CAMKMT: variants seen among roughly 807,000 people sequenced by gnomAD.
CAMKMT encodes the protein calmodulin-lysine N-methyltransferase.
Under a neutral mutation model 48.0 loss-of-function variants are expected in CAMKMT, and 53 were observed. The ratio of observed to expected loss-of-function variants is 1.10; its 90% CI spans 0.89 to 1.39. CAMKMT has a LOEUF of 1.39. Among genes scored for constraint, CAMKMT ranks in the 40% most tolerant of loss-of-function variants. The pLI is 0.00. For missense variants in CAMKMT, 428 were observed against 402.7 expected (o/e 1.06, Z -0.54); for synonymous variants, 165 against 152.3 (o/e 1.08, Z -0.61).
intron 3 of CAMKMT, among the ~76,000 whole-genome samples, chr2:44,424,403 G>T (rs1202821124): frequency 7.2e-5 from 11 of 152,030 alleles, no homozygotes; most frequent in African/African-American, 2.2e-4. Context: ...TGAAAGGGCC[G>T]TGATACATTG....
intron 3 of CAMKMT, among the ~76,000 whole-genome samples, chr2:44,476,589 TA>T (rs760828021): frequency 1.5e-4 from 23 of 151,154 alleles, no homozygotes; most frequent in African/African-American, 4.6e-4. Context: ...TTACACTGTG[TA>T]AAAAAAAACT....
At chr2:44,500,200 G>C (rs1430025740) in intron 3 of CAMKMT, among the ~76,000 whole-genome samples, 1 of 152,092 alleles carries the variant, frequency 6.6e-6, no homozygotes, top group African/African-American at 2.4e-5. Flanking sequence ...GTTCTCACTA[G>C]GGTTTTAGAG....
At chr2:44,673,471 GAGGA>G (rs201284067) in intron 3 of CAMKMT, among the ~76,000 whole-genome samples, 15,960 of 116,724 alleles carry the variant, frequency 0.14, 1,222 homozygotes, top group South Asian at 0.25. Context: ...GAAAGAGAGA[GAGGA>G]AGGAAGGAAG....
intron 3 of CAMKMT, among the ~76,000 whole-genome samples, chr2:44,505,191 G>A (rs1187690770): frequency 6.6e-6 from 1 of 152,150 alleles, no homozygotes. Flanking sequence ...GAGATTTGGA[G>A]GGGTCAAACA....
chr2:44,731,343 A>AAAAC (rs762526261), intron 7 of CAMKMT, among the ~76,000 whole-genome samples: 2 of 152,200 alleles, frequency 1.3e-5, no homozygotes, highest in Non-Finnish European at 2.9e-5. Flanking sequence ...TCTGTCTCAG[A>AAAAC]AAACAAACAA....
intron 3 of CAMKMT, among the ~76,000 whole-genome samples, chr2:44,556,429 G>A (rs558462182): frequency 9.7e-5 from 14 of 145,014 alleles, no homozygotes; most frequent in African/African-American, 3.3e-4. Flanking sequence ...ATGAGCCACC[G>A]TGTCCAGCCA....
At chr2:44,415,269 A>T (rs1242505667) in intron 3 of CAMKMT, among the ~76,000 whole-genome samples, 1 of 152,266 alleles carries the variant, frequency 6.6e-6, no homozygotes, top group Admixed American at 6.5e-5. Context: ...TCAAGTAGGT[A>T]GCAGATATTT....
intron 7 of CAMKMT, among the ~76,000 whole-genome samples, chr2:44,734,728 G>A (rs1679267952): frequency 6.6e-6 from 1 of 152,072 alleles, no homozygotes; most frequent in African/African-American, 2.4e-5. Context: ...CATATTTTTT[G>A]TATGACTAGA....
chr2:44,377,619 G>A (rs952203883), intron 2 of CAMKMT, among the ~76,000 whole-genome samples: 4 of 152,014 alleles, frequency 2.6e-5, no homozygotes, highest in East Asian at 1.9e-4. Context: ...AAGTGTATAC[G>A]TGTCTTAGGT....
intron 7 of CAMKMT, among the ~76,000 whole-genome samples, chr2:44,725,168 G>GTGTGTA (rs1678712977): frequency 6.6e-6 from 1 of 151,742 alleles, no homozygotes; most frequent in African/African-American, 2.4e-5. Flanking sequence ...GTGTGTGTGT[G>GTGTGTA]TGTGTGTGTG....
rs567294350 is a variant in CAMKMT, at chr2:44,524,877, A to G, written c.376+134572A>G. On this transcript the variant is annotated intron_variant, in intron 3 of 10. Coordinates refer to ENST00000378494, the MANE Select transcript of CAMKMT (RefSeq NM_024766.5). Reference sequence around the variant, plus strand: ...ATCATTGAATGGCTTTTTTCTGCCTATCTTCTATGCAATAGATATTATGCC... The same window carrying G: ...ATCATTGAATGGCTTTTTTCTGCCTGTCTTCTATGCAATAGATATTATGCC... 9.9e-5 allele frequency among the ~76,000 whole-genome samples: 15 copies of G among 152,074 alleles called. No individual in the cohort carries two copies. In the East Asian group the frequency reaches 2.5e-3, roughly 25 times the overall value.
At chr2:44,409,175 A>G (rs1189604225) in intron 3 of CAMKMT, among the ~76,000 whole-genome samples, 3 of 14,088 alleles carry the variant, frequency 2.1e-4, no homozygotes, top group African/African-American at 5.9e-4. Flanking sequence ...ATATATATAT[A>G]TATATATGTA....
chr2:44,524,358 C>T (rs961008717), intron 3 of CAMKMT, among the ~76,000 whole-genome samples: 2 of 152,076 alleles, frequency 1.3e-5, no homozygotes, highest in African/African-American at 4.8e-5. Context: ...TTGCTTTTTT[C>T]CAGGACTAAC....
At chr2:44,400,991 T>C (rs986509860) in intron 3 of CAMKMT, 15 of 148,914 alleles carry the variant, frequency 1.0e-4, no homozygotes, top group African/African-American at 3.2e-4. Flanking sequence ...AGTTAACTTG[T>C]TCTTCATTTG....
chr2:44,631,421 AAAAG>A, intron 3 of CAMKMT: 1 of 553,004 alleles, frequency 1.8e-6, no homozygotes, highest in South Asian at 2.5e-5. Flanking sequence ...ATAATAATAA[AAAAG>A]AAAGGAAATA....
intron 3 of CAMKMT, among the ~76,000 whole-genome samples, chr2:44,579,344 G>A (rs985886695): frequency 2.6e-5 from 4 of 152,044 alleles, no homozygotes; most frequent in Admixed American, 2.6e-4. Context: ...TAATTCATGC[G>A]CTGGTGTAAT....
chr2:44,473,692 GTTTAATGTGGAATAAGTAAACTCCACA>G (rs1214552812), intron 3 of CAMKMT, among the ~76,000 whole-genome samples: 42 of 152,190 alleles, frequency 2.8e-4, no homozygotes, highest in Admixed American at 2.7e-3. Flanking sequence ...GGAAGTTACA[GTTTAATGTGGAATAAGTAAACTCCACA>G]TTTAATGTAG....
chr2:44,544,862 T>C (rs2103626596), intron 3 of CAMKMT, among the ~76,000 whole-genome samples: 1 of 152,350 alleles, frequency 6.6e-6, no homozygotes, highest in South Asian at 2.1e-4. Flanking sequence ...TGTAAGTACA[T>C]TTCCTTTAAA....
At chr2:44,617,850 A>C (rs1429977235) in intron 3 of CAMKMT, among the ~76,000 whole-genome samples, 1 of 152,246 alleles carries the variant, frequency 6.6e-6, no homozygotes, top group Non-Finnish European at 1.5e-5. Context: ...GATTGAATTA[A>C]TATTACAATA....
Sources: gnomAD v4.1 joint callset for allele counts (sites outside exome capture counted in the v4.1 genomes callset) on GRCh38, gnomAD v4.1.1 for gene constraint, MANE v1.5 for transcripts, NCBI Gene and HGNC (gene_info 2026-07-23, HGNC 2026-07-21) for gene names.